AGPAT4: variants seen among roughly 807,000 people sequenced by gnomAD.
AGPAT4 encodes 1-acylglycerol-3-phosphate O-acyltransferase 4, also known as 1-acyl-sn-glycerol-3-phosphate acyltransferase delta.
Under a neutral mutation model 48.0 loss-of-function variants are expected in AGPAT4, and 15 were observed. That is an observed-to-expected ratio of 0.31 (90% CI 0.21 to 0.48). The LOEUF is 0.48. Ranked by LOEUF, AGPAT4 falls within the 20% of genes least tolerant of loss-of-function variation. The pLI, the probability that AGPAT4 is intolerant of heterozygous loss-of-function variation, is 0.99. For missense variants in AGPAT4, 314 were observed against 482.5 expected (o/e 0.65, Z 3.27); for synonymous variants, 178 against 198.7 (o/e 0.90, Z 0.88).
chr6:161,146,203 T>C lies in AGPAT4; in HGVS notation c.843+321A>G, dbSNP rs1429213593. On this transcript the variant is annotated intron_variant, in intron 7 of 8. Coordinates refer to ENST00000320285, the MANE Select transcript of AGPAT4 (RefSeq NM_020133.3). The surrounding 1 kb of genome is among the most constrained non-coding windows in gnomAD (Gnocchi z 7.1). The stretch of plus-strand genomic sequence containing the variant: ...CCAGAAGCAATCAAGACCATGTCCA[T>C]TGCTGCGGAGAACATCCACCCCACA... Among the ~76,000 whole-genome samples the C allele has an allele frequency of 6.6e-6, 1 of 151,512 alleles. No individual in the cohort carries two copies. The highest frequency in any genetic ancestry group is 1.5e-5 in the Non-Finnish European group (1 of 68,032).
Position 161,212,081 on chromosome 6 carries a change from T to C in AGPAT4, c.178+19955A>G, listed in dbSNP as rs146847627. 4.7e-3 allele frequency among the ~76,000 whole-genome samples: 721 copies of C among 152,336 alleles called. 4 individuals are homozygous for C. Among genetic ancestry groups the C allele is most frequent in the African/African-American group, 0.016 (685 of 41,586 alleles). On this transcript the variant is annotated intron_variant, in intron 2 of 8. Coordinates refer to ENST00000320285, the MANE Select transcript of AGPAT4 (RefSeq NM_020133.3). This position sits in a 1 kb window ranked among gnomAD's most constrained non-coding sequence, Gnocchi z 6.1. ...CAAGACTAGCATATGGGCCCCTGTG[T>C]CAAATTAACAAAGTTTTCTTGAAGC...
Position 161,135,368 on chromosome 6 carries a change from T to C in AGPAT4, c.*1172A>G, listed in dbSNP as rs536370778. 6.6e-6 allele frequency: 1 copy of C among 152,374 alleles called. No individual in the cohort carries two copies. Among genetic ancestry groups the C allele is most frequent in the East Asian group, 1.9e-4 (1 of 5,188 alleles). 9.4% of individuals were successfully genotyped at this position (152,374 alleles called of 1,614,324 possible). A position where few individuals can be genotyped will look rare whatever the true frequency, so the allele number is the denominator to read the frequency against. On this transcript the variant is annotated 3_prime_UTR_variant, in exon 9 of 9. Transcript: ENST00000320285. ...TCTGCAAAAATAGCACTGCTTTTAG[T>C]TTCTTCTTCTTTTGCATTTTTGGCA... is the stretch of plus-strand genomic sequence containing the variant.
Position 161,226,280 on chromosome 6 carries a change from G to C in AGPAT4, c.178+5756C>G, listed in dbSNP as rs779141705. 1.3e-5 allele frequency among the ~76,000 whole-genome samples: 2 copies of C among 152,182 alleles called. No individual in the cohort carries two copies. The highest frequency in any genetic ancestry group is 4.8e-5 in the African/African-American group (2 of 41,430). ...TAACTACCTATCAGGACAAGTGAAG[G>C]AGTCAAAACCTGTTTGGAACTCAAA... On this transcript the variant is annotated intron_variant, in intron 2 of 8. Transcript: ENST00000320285. This position sits in a 1 kb window ranked among gnomAD's most constrained non-coding sequence, Gnocchi z 6.3.
chr6:161,177,485 A>G lies in AGPAT4; in HGVS notation c.179-11068T>C, dbSNP rs1780459693. Among the ~76,000 whole-genome samples, 1 of 152,186 alleles carries G rather than the reference A, an allele frequency of 6.6e-6. No homozygotes were observed. The highest frequency in any genetic ancestry group is 6.5e-5 in the Admixed American group (1 of 15,286). On this transcript the variant is annotated intron_variant, in intron 2 of 8. Coordinates refer to ENST00000320285, the MANE Select transcript of AGPAT4 (RefSeq NM_020133.3). The surrounding 1 kb of genome is among the most constrained non-coding windows in gnomAD (Gnocchi z 5.0). ...ACGTAGTTCTCAAGCCATGGTTTTC[A>G]GCTCCATCAGGTCATTTAAGGTCTT... is the stretch of plus-strand genomic sequence containing the variant.
Position 161,229,686 on chromosome 6 carries a change from C to G in AGPAT4, c.178+2350G>C, listed in dbSNP as rs1300766265. Reference sequence around the variant, plus strand: ...GAGGTGCCCACGAGCCACCCAGGATCATCACCCTCCCTTTCTACTGTATTC... The same window carrying G: ...GAGGTGCCCACGAGCCACCCAGGATGATCACCCTCCCTTTCTACTGTATTC... On this transcript the variant is annotated intron_variant, in intron 2 of 8. Transcript: ENST00000320285. This position sits in a 1 kb window ranked among gnomAD's most constrained non-coding sequence, Gnocchi z 6.0. Among the ~76,000 whole-genome samples, 2 of 152,160 alleles carry G rather than the reference C, an allele frequency of 1.3e-5. No individual in the cohort carries two copies. Among genetic ancestry groups the G allele is most frequent in the African/African-American group, 4.8e-5 (2 of 41,438 alleles).
rs2115047112 is a variant in AGPAT4, at chr6:161,244,795, T to G, written c.-89-12493A>C. 6.6e-6 allele frequency among the ~76,000 whole-genome samples: 1 copy of G among 152,272 alleles called. No homozygotes were observed. Among genetic ancestry groups the G allele is most frequent in the East Asian group, 1.9e-4 (1 of 5,176 alleles). On this transcript the variant is annotated intron_variant, in intron 1 of 8. Transcript: ENST00000320285. The surrounding 1 kb of genome is among the most constrained non-coding windows in gnomAD (Gnocchi z 4.7). ...CAGTAAGAGTGATGCCTTCCACCAC[T>G]TAGCCTAGGATGAAACACTGTCTTT...
rs552689669 is a variant in AGPAT4 at position 161,178,562 on chromosome 6, C to T, written c.179-12145G>A. On this transcript the variant is annotated intron_variant, in intron 2 of 8. Transcript: ENST00000320285. The surrounding 1 kb of genome is among the most constrained non-coding windows in gnomAD (Gnocchi z 5.1). ...TCCCTTGGCTAGGAAAGGGAATTCC[C>T]GGACCCCTGCACTTCCCGGGTGAGG... Among the ~76,000 whole-genome samples the T allele has an allele frequency of 1.3e-5, 2 of 152,284 alleles. No individual in the cohort carries two copies. Among genetic ancestry groups the T allele is most frequent in the African/African-American group, 2.4e-5 (1 of 41,564 alleles).
Position 161,214,102 on chromosome 6 carries a change from A to G in AGPAT4, c.178+17934T>C, listed in dbSNP as rs149965837. Among the ~76,000 whole-genome samples the G allele has an allele frequency of 3.8e-3, 578 of 152,252 alleles. 2 individuals carry two copies. Among genetic ancestry groups the G allele is most frequent in the African/African-American group, 0.013 (554 of 41,546 alleles). On this transcript the variant is annotated intron_variant, in intron 2 of 8. Coordinates refer to ENST00000320285, the MANE Select transcript of AGPAT4 (RefSeq NM_020133.3). This position sits in a 1 kb window ranked among gnomAD's most constrained non-coding sequence, Gnocchi z 5.4. ...CCTCCTTTGGAGAGGCTCATCAGAA[A>G]CTCAAAAGAATGCTACCATTTGTCT... is the stretch of plus-strand genomic sequence containing the variant.
At chr6:161,172,280 C>T (rs1395611251) in intron 2 of AGPAT4, among the ~76,000 whole-genome samples, 2 of 152,206 alleles carry the variant, frequency 1.3e-5, no homozygotes, top group African/African-American at 2.4e-5. Flanking sequence ...CCAGGATCTG[C>T]AGATTCTGGG....
rs1348071534 is a variant in AGPAT4, at chr6:161,133,453, C to CAA, written c.*3085_*3086dup. On this transcript the variant is annotated 3_prime_UTR_variant, in exon 9 of 9. Coordinates refer to ENST00000320285, the MANE Select transcript of AGPAT4 (RefSeq NM_020133.3). ...TGAAAAAAGTTGGTTTTCTCTCTGT[C>CAA]AAAGTCAATAGGGTGGTAGACTAAC... The CAA allele has an allele frequency of 6.6e-6, 1 of 152,194 alleles. No homozygotes were observed. The highest frequency in any genetic ancestry group is 1.9e-4 in the East Asian group (1 of 5,198). 9.4% of individuals were successfully genotyped at this position (152,194 alleles called of 1,614,324 possible).
chr6:161,191,305 A>T (rs1461014967), intron 2 of AGPAT4, among the ~76,000 whole-genome samples: 2 of 152,150 alleles, frequency 1.3e-5, no homozygotes, highest in Non-Finnish European at 2.9e-5. Flanking sequence ...CCACACTCTA[A>T]CCCACTGTGC....
At position 161,130,812 on chromosome 6, in the gene AGPAT4, G is replaced by A. The variant is rs1164113313; in HGVS notation, c.*5728C>T. On this transcript the variant is annotated 3_prime_UTR_variant, in exon 9 of 9. Coordinates refer to ENST00000320285, the MANE Select transcript of AGPAT4 (RefSeq NM_020133.3). ...GCTGGCTCTGCAGCGTTGTGACTTA[G>A]ACACTTTACAAGTCTGAGCCATCCC... 1 of 517,978 alleles carries A rather than the reference G, an allele frequency of 1.9e-6. No homozygotes were observed. Among genetic ancestry groups the A allele is most frequent in the Non-Finnish European group, 3.9e-6 (1 of 259,218 alleles). 32.1% of individuals were successfully genotyped at this position (517,978 alleles called of 1,614,324 possible).
At chr6:161,163,053 G>C (rs1414208462) in intron 3 of AGPAT4, among the ~76,000 whole-genome samples, 2 of 152,246 alleles carry the variant, frequency 1.3e-5, no homozygotes, top group Non-Finnish European at 2.9e-5. Flanking sequence ...CTGGCTCCCA[G>C]GAGAACCAGA....
At position 161,208,622 on chromosome 6, in the gene AGPAT4, A is replaced by C. The variant is rs567760713; in HGVS notation, c.178+23414T>G. On this transcript the variant is annotated intron_variant, in intron 2 of 8. Transcript: ENST00000320285. The surrounding 1 kb of genome is among the most constrained non-coding windows in gnomAD (Gnocchi z 4.6). ...TTGCAATGAACAACTTGGTTAAAAA[A>C]AGGTAACTATCATTCATCACTTAGA... is the stretch of plus-strand genomic sequence containing the variant. Among the ~76,000 whole-genome samples, 1 of 152,354 alleles carries C rather than the reference A, an allele frequency of 6.6e-6. No homozygotes were observed. Among genetic ancestry groups the C allele is most frequent in the East Asian group, 1.9e-4 (1 of 5,194 alleles).
Position 161,254,543 on chromosome 6 carries a change from G to A in AGPAT4, c.-90+19395C>T, listed in dbSNP as rs1782892320. Among the ~76,000 whole-genome samples the A allele has an allele frequency of 1.3e-5, 2 of 152,180 alleles. No homozygotes were observed. Among genetic ancestry groups the A allele is most frequent in the Admixed American group, 1.3e-4 (2 of 15,268 alleles). The stretch of plus-strand genomic sequence containing the variant: ...GTGGCCCTGGTGATCTTTTCTCACG[G>A]CCATGTTCTTTATGTCCTTTCACTC... On this transcript the variant is annotated intron_variant, in intron 1 of 8. Coordinates refer to ENST00000320285, the MANE Select transcript of AGPAT4 (RefSeq NM_020133.3). The surrounding 1 kb of genome is among the most constrained non-coding windows in gnomAD (Gnocchi z 5.9).
chr6:161,160,718 G>C (rs1779903929), intron 3 of AGPAT4: 1 of 332,514 alleles, frequency 3.0e-6, no homozygotes. Flanking sequence ...AAAGATGGGA[G>C]AGGAGCTCCC....
At chr6:161,258,626 A>G (rs1490419524) in intron 1 of AGPAT4, among the ~76,000 whole-genome samples, 1 of 151,902 alleles carries the variant, frequency 6.6e-6, no homozygotes, top group East Asian at 1.9e-4. Context: ...CCACCTATAT[A>G]TGTTGGGAGA....
At position 161,259,816 on chromosome 6, in the gene AGPAT4, A is replaced by G. The variant is rs937847595; in HGVS notation, c.-90+14122T>C. Reference sequence around the variant, plus strand: ...GAAAGAAAATGAAAGTCTTCCGGACAGGGGTCCACTTTTTACAATGTCAGC... The same window carrying G: ...GAAAGAAAATGAAAGTCTTCCGGACGGGGGTCCACTTTTTACAATGTCAGC... On this transcript the variant is annotated intron_variant, in intron 1 of 8. Coordinates refer to ENST00000320285, the MANE Select transcript of AGPAT4 (RefSeq NM_020133.3). This position sits in a 1 kb window ranked among gnomAD's most constrained non-coding sequence, Gnocchi z 4.9. 6.6e-6 allele frequency among the ~76,000 whole-genome samples: 1 copy of G among 152,152 alleles called. No homozygotes were observed. The highest frequency in any genetic ancestry group is 1.5e-5 in the Non-Finnish European group (1 of 68,026).
At position 161,236,867 on chromosome 6, in the gene AGPAT4, A is replaced by C. The variant is rs910343251; in HGVS notation, c.-89-4565T>G. Among the ~76,000 whole-genome samples, 1 of 152,128 alleles carries C rather than the reference A, an allele frequency of 6.6e-6. No individual in the cohort carries two copies. Among genetic ancestry groups the C allele is most frequent in the Non-Finnish European group, 1.5e-5 (1 of 68,032 alleles). ...CAGTGAGCCGAGATTGTGCCACTGC[A>C]CTCCAGCCTGGGCGACAGAGTGAGA... On this transcript the variant is annotated intron_variant, in intron 1 of 8. Coordinates refer to ENST00000320285, the MANE Select transcript of AGPAT4 (RefSeq NM_020133.3). This position sits in a 1 kb window ranked among gnomAD's most constrained non-coding sequence, Gnocchi z 5.0.
Sources: allele counts gnomAD v4.1 joint callset (sites outside exome capture counted in the v4.1 genomes callset), GRCh38; gene constraint gnomAD v4.1.1; non-coding constraint Gnocchi (gnomAD v3.1); transcripts MANE v1.5; gene names NCBI Gene and HGNC (gene_info 2026-07-23, HGNC 2026-07-21).